COL4A5: variants seen among roughly 807,000 people sequenced by gnomAD.
The protein encoded by COL4A5 is collagen type IV alpha 5 chain, also known as collagen alpha-5(IV) chain.
COL4A5 carries 26 observed loss-of-function variants against 130.2 expected under a neutral mutation model. The observed-to-expected ratio is 0.20, with a 90% confidence interval of 0.15 to 0.28. The LOEUF (loss-of-function observed/expected upper bound fraction) is 0.28, where lower values mean the gene tolerates loss of function less well. Ranked by LOEUF, COL4A5 falls within the 10% of genes least tolerant of loss-of-function variation. COL4A5 has a pLI of 1.00. For synonymous variants in COL4A5, 496 were observed against 439.6 expected (o/e 1.13, Z -1.60); for missense variants, 1,131 against 1,344.3 (o/e 0.84, Z 2.48).
chrX:108,643,940 A>G (rs1177456479), intron 36 of COL4A5, among the ~76,000 whole-genome samples: 1 of 112,177 alleles, frequency 8.9e-6, no homozygotes, highest in African/African-American at 3.2e-5. Flanking sequence ...TAAAAGATAT[A>G]GAACTACAGA....
At chrX:108,695,510 T>C (rs1048364786) in intron 52 of COL4A5, 71 bp downstream of exon 52, 1 of 1,017,087 alleles carries the variant, frequency 9.8e-7, no homozygotes, top group East Asian at 3.0e-5. Flanking sequence ...AGAGACAATT[T>C]ATGGATGGTT....
rs371605173 is a variant in COL4A5 at position 108,597,755 on chromosome X, A to G, written c.1779+187A>G. Among the ~76,000 whole-genome samples, 22 of 111,467 alleles carry G rather than the reference A, an allele frequency of 2.0e-4. No homozygotes were observed. In the East Asian group the frequency reaches 3.4e-3, roughly 17 times the overall value. ...GGTTTCTGCACTACTCTTTTCTTTC[A>G]CTTGTTTTGTAAACTTATTTTTCTT... On this transcript the variant is annotated intron_variant, in intron 24 of 52. Transcript: ENST00000328300.
chrX:108,617,189 G>A (rs2066944854), intron 30 of COL4A5, among the ~76,000 whole-genome samples: 1 of 110,718 alleles, frequency 9.0e-6, no homozygotes, highest in South Asian at 3.8e-4. Flanking sequence ...CACCAAAATA[G>A]AATATTATCT....
At chrX:108,555,558 T>C (rs895262930) in intron 2 of COL4A5, among the ~76,000 whole-genome samples, 1 of 112,209 alleles carries the variant, frequency 8.9e-6, no homozygotes, top group Non-Finnish European at 1.9e-5. Context: ...TATTATAATC[T>C]GAAGTAATTT....
At chrX:108,492,738 T>A (rs186335069) in intron 1 of COL4A5, among the ~76,000 whole-genome samples, 1 of 111,793 alleles carries the variant, frequency 8.9e-6, no homozygotes, top group East Asian at 2.8e-4. Flanking sequence ...TATTGCATTA[T>A]AACCTTAAGT....
chrX:108,460,656 ATTT>A lies in COL4A5; in HGVS notation c.81+20479_81+20481del, dbSNP rs751991149. On this transcript the variant is annotated intron_variant, in intron 1 of 52. Transcript: ENST00000328300. ...AGATGCCTGCCACCACGCCTGGCAAATTTTTTTTTTTTTTTTTTTTTTTTTTTT... is the reference window on the plus strand; with the variant it reads ...AGATGCCTGCCACCACGCCTGGCAAATTTTTTTTTTTTTTTTTTTTTTTTT... 6.3e-3 allele frequency among the ~76,000 whole-genome samples: 248 copies of A among 39,440 alleles called. 4 individuals carry two copies. Among genetic ancestry groups the A allele is most frequent in the African/African-American group, 0.026 (240 of 9,269 alleles). The allele number at this position is 39,440 out of a possible 115,157, so 34.2% of individuals were successfully genotyped here. A position where few individuals can be genotyped will look rare whatever the true frequency, so the allele number is the denominator to read the frequency against.
At chrX:108,517,281 T>C (rs1051870283) in intron 1 of COL4A5, among the ~76,000 whole-genome samples, 8 of 111,821 alleles carry the variant, frequency 7.2e-5, no homozygotes, top group African/African-American at 2.6e-4. Flanking sequence ...AATTTAATTA[T>C]AAGCACTGTC....
At chrX:108,556,234 A>G (rs1427005035) in intron 2 of COL4A5, among the ~76,000 whole-genome samples, 1 of 111,773 alleles carries the variant, frequency 8.9e-6, no homozygotes, top group Non-Finnish European at 1.9e-5. Flanking sequence ...ACCTCATATT[A>G]TCATTGAGAG....
At chrX:108,561,719 T>G (rs1403120619) in intron 3 of COL4A5, among the ~76,000 whole-genome samples, 1 of 111,508 alleles carries the variant, frequency 9.0e-6, no homozygotes, top group African/African-American at 3.3e-5. Flanking sequence ...AAATGGATAC[T>G]CACCAGGTAG....
chrX:108,598,211 T>G (rs945041696), intron 24 of COL4A5, among the ~76,000 whole-genome samples: 2 of 110,754 alleles, frequency 1.8e-5, no homozygotes, highest in African/African-American at 6.6e-5. Flanking sequence ...AATAAATAAA[T>G]AAATAAATAA....
intron 36 of COL4A5, among the ~76,000 whole-genome samples, chrX:108,647,372 GCT>G (rs1047665973): frequency 2.1e-4 from 23 of 111,105 alleles, no homozygotes; most frequent in African/African-American, 6.5e-4. Flanking sequence ...TCATGATTTG[GCT>G]CTCTGTTTGT....
chrX:108,531,246 T>C (rs2065380716), intron 1 of COL4A5, among the ~76,000 whole-genome samples: 1 of 92,040 alleles, frequency 1.1e-5, no homozygotes, highest in Admixed American at 1.2e-4. Flanking sequence ...CATTAGGAGA[T>C]ATACCTAATG....
chrX:108,634,411 A>G (rs1214296200), intron 36 of COL4A5, among the ~76,000 whole-genome samples: 3 of 111,450 alleles, frequency 2.7e-5, no homozygotes, highest in Non-Finnish European at 1.9e-5. Context: ...GAAAAGGATG[A>G]AGATGTCACA....
At position 108,547,632 on chromosome X, in the gene COL4A5, AAGCTGTC is replaced by A. The variant is rs2065681941; in HGVS notation, c.141+7830_141+7836del. Among the ~76,000 whole-genome samples, 3 of 111,750 alleles carry A rather than the reference AAGCTGTC, an allele frequency of 2.7e-5. No homozygotes were observed. The South Asian group carries it at 1.1e-3, about 42-fold the overall frequency. ...GCTGGGAGAACCGCTAATCTCTTCCAAGCTGTCAGATAGGGACATGTAAGTCTGCAGA... is the reference window on the plus strand; with the variant it reads ...GCTGGGAGAACCGCTAATCTCTTCCAAGATAGGGACATGTAAGTCTGCAGA... On this transcript the variant is annotated intron_variant, in intron 2 of 52. Transcript: ENST00000328300.
At chrX:108,695,160 T>A in intron 51 of COL4A5, 107 bp from the exon 52 acceptor site, 1 of 1,019,103 alleles carries the variant, frequency 9.8e-7, no homozygotes, top group Non-Finnish European at 1.4e-6. Context: ...CTGGGCCTGT[T>A]CCTTCACTAG....
chrX:108,592,013 TTC>T (rs2066445620), intron 21 of COL4A5, among the ~76,000 whole-genome samples: 1 of 111,882 alleles, frequency 8.9e-6, no homozygotes, highest in Non-Finnish European at 1.9e-5. Context: ...TCCTTTGCCC[TTC>T]TCTCACTTCA....
At chrX:108,601,602 C>G (rs942019802) in intron 26 of COL4A5, 117 bp downstream of exon 26, 90 of 526,375 alleles carry the variant, frequency 1.7e-4, no homozygotes, top group Non-Finnish European at 2.7e-4. Flanking sequence ...TGTTGGCTTG[C>G]TGCAGCAACC....
intron 1 of COL4A5, among the ~76,000 whole-genome samples, chrX:108,485,769 T>G (rs1288184494): frequency 9.1e-6 from 1 of 110,490 alleles, no homozygotes; most frequent in African/African-American, 3.3e-5. Context: ...CTTTGCAGCC[T>G]GGGGTTGAGG....
chrX:108,522,117 A>G (rs1421445914), intron 1 of COL4A5, among the ~76,000 whole-genome samples: 5 of 111,356 alleles, frequency 4.5e-5, no homozygotes, highest in Admixed American at 3.8e-4. Context: ...AGGTTCATCC[A>G]TGCTGTAGCA....
Sources: allele counts gnomAD v4.1 joint callset (sites outside exome capture counted in the v4.1 genomes callset), GRCh38; gene constraint gnomAD v4.1.1; transcripts MANE v1.5; gene names NCBI Gene and HGNC (gene_info 2026-07-23, HGNC 2026-07-21).